The following TMEM132D variants were observed in gnomAD, a reference collection of about 807,000 sequenced individuals.
TMEM132D encodes mature OL transmembrane protein.
A neutral mutation model predicts 62.3 loss-of-function variants in TMEM132D; 21 were observed. That is an observed-to-expected ratio of 0.34 (90% CI 0.24 to 0.49). The LOEUF is 0.49. Ranked by LOEUF, TMEM132D falls within the 20% of genes least tolerant of loss-of-function variation. TMEM132D has a pLI of 0.99. For missense variants in TMEM132D, 1,346 were observed against 1,402.8 expected (o/e 0.96, Z 0.65); for synonymous variants, 621 against 575.6 (o/e 1.08, Z -1.13).
At chr12:129,368,954 G>C (rs1870511187) in intron 3 of TMEM132D, among the ~76,000 whole-genome samples, 1 of 152,184 alleles carries the variant, frequency 6.6e-6, no homozygotes. Flanking sequence ...CTGGAATACT[G>C]ATGTGATGCA....
chr12:129,503,778 T>G (rs575371490), intron 3 of TMEM132D, among the ~76,000 whole-genome samples: 2 of 152,304 alleles, frequency 1.3e-5, no homozygotes, highest in South Asian at 4.1e-4. Context: ...AGGGAACAAT[T>G]ATTCTTCTCT....
At chr12:129,533,761 GT>G (rs1290275198) in intron 2 of TMEM132D, among the ~76,000 whole-genome samples, 1 of 152,134 alleles carries the variant, frequency 6.6e-6, no homozygotes, top group African/African-American at 2.4e-5. Flanking sequence ...CTGCAAAAAT[GT>G]TTTTTCCTGG....
chr12:129,142,277 T>C (rs536832805), intron 5 of TMEM132D, among the ~76,000 whole-genome samples: 2 of 152,262 alleles, frequency 1.3e-5, no homozygotes, highest in South Asian at 2.1e-4. Flanking sequence ...TCTGCATGTA[T>C]GTCTTCTAAC....
chr12:129,855,162 TATAAC>T (rs1336807345), intron 1 of TMEM132D, among the ~76,000 whole-genome samples: 1 of 101,512 alleles, frequency 9.9e-6, no homozygotes, highest in African/African-American at 4.0e-5. Flanking sequence ...TGGGTGCCCT[TATAAC>T]AGAGTCCGGG....
chr12:129,818,192 G>T (rs2137322381), intron 1 of TMEM132D, among the ~76,000 whole-genome samples: 1 of 146,962 alleles, frequency 6.8e-6, no homozygotes, highest in South Asian at 2.2e-4. Flanking sequence ...GTGGTGTGGG[G>T]GCTGTGTGTG....
intron 2 of TMEM132D, among the ~76,000 whole-genome samples, chr12:129,635,332 C>T (rs376272685): frequency 7.9e-5 from 12 of 152,154 alleles, no homozygotes; most frequent in Non-Finnish European, 1.5e-4. Flanking sequence ...ATCTCTATAA[C>T]GGTAAGTCCT....
At chr12:129,214,437 C>T (rs1385939935) in intron 4 of TMEM132D, among the ~76,000 whole-genome samples, 1 of 152,168 alleles carries the variant, frequency 6.6e-6, no homozygotes, top group African/African-American at 2.4e-5. Context: ...AGCTTTTAAA[C>T]ATCTTAAGAG....
rs997518460 is a variant in TMEM132D, at chr12:129,577,650, G to A, written c.969-46445C>T. On this transcript the variant is annotated intron_variant, in intron 2 of 8. Transcript: ENST00000422113. ...TATTTGCATTCATGACATACCTAAC[G>A]TTCAGTTTTTGATATTTGCAGGCCA... Among the ~76,000 whole-genome samples, 20 of 149,614 alleles carry A rather than the reference G, an allele frequency of 1.3e-4. 1 individual carries two copies. The highest frequency in any genetic ancestry group is 3.8e-4 in the African/African-American group (15 of 39,182).
intron 1 of TMEM132D, among the ~76,000 whole-genome samples, chr12:129,731,623 C>T (rs886449492): frequency 2.6e-5 from 4 of 151,348 alleles, no homozygotes; most frequent in African/African-American, 4.9e-5. Context: ...TGCAGTGGGC[C>T]GATATAAGGA....
intron 3 of TMEM132D, among the ~76,000 whole-genome samples, chr12:129,458,484 G>A (rs1873551722): frequency 6.6e-6 from 1 of 151,028 alleles, no homozygotes; most frequent in Non-Finnish European, 1.5e-5. Context: ...AAGATTTGCT[G>A]CTTTTTCTAA....
chr12:129,294,269 T>C (rs985470055), intron 4 of TMEM132D, among the ~76,000 whole-genome samples: 1 of 152,226 alleles, frequency 6.6e-6, no homozygotes, highest in Non-Finnish European at 1.5e-5. Context: ...TCTTTATGTC[T>C]GTCCCCTAAT....
chr12:129,226,008 C>CAAT (rs1879471445), intron 4 of TMEM132D, among the ~76,000 whole-genome samples: 2 of 152,134 alleles, frequency 1.3e-5, no homozygotes, highest in Non-Finnish European at 2.9e-5. Flanking sequence ...AATAATGTGT[C>CAAT]AATGCTGAAA....
chr12:129,078,651 T>C lies in TMEM132D; in HGVS notation c.1998A>G (p.Thr666=). The part of the protein sequence containing the change: ...ITVLDEKVTI[T]DLGVQLVTGL... ...CTGTCACCAGCTGCACCCCGAGGTCTGTGATGGTCACCTTCTCGTCCAGCA... is the reference window on the plus strand; with the variant it reads ...CTGTCACCAGCTGCACCCCGAGGTCCGTGATGGTCACCTTCTCGTCCAGCA... The change falls in exon 8 of 9, where the codon ACA becomes ACG. Residue 666 remains threonine (T), a synonymous_variant. Transcript: ENST00000422113. 1 of 1,614,210 alleles carries C rather than the reference T, an allele frequency of 6.2e-7. No homozygotes were observed. The highest frequency in any genetic ancestry group is 8.5e-7 in the Non-Finnish European group (1 of 1,180,036).
At chr12:129,845,675 A>T (rs1459159468) in intron 1 of TMEM132D, among the ~76,000 whole-genome samples, 1 of 152,254 alleles carries the variant, frequency 6.6e-6, no homozygotes, top group African/African-American at 2.4e-5. Flanking sequence ...AACAGTATCT[A>T]GTAAAATTCA....
At chr12:129,285,064 C>T (rs573249924) in intron 4 of TMEM132D, among the ~76,000 whole-genome samples, 33 of 152,304 alleles carry the variant, frequency 2.2e-4, no homozygotes, top group African/African-American at 7.5e-4. Flanking sequence ...ATTTGACTTT[C>T]ACCTCAATAA....
chr12:129,842,553 C>G (rs1454170866), intron 1 of TMEM132D, among the ~76,000 whole-genome samples: 2 of 152,110 alleles, frequency 1.3e-5, no homozygotes, highest in Non-Finnish European at 2.9e-5. Flanking sequence ...ACTGCAGCCT[C>G]AGCCTCCTGG....
At chr12:129,129,603 A>G (rs1382670637) in intron 5 of TMEM132D, among the ~76,000 whole-genome samples, 1 of 152,196 alleles carries the variant, frequency 6.6e-6, no homozygotes, top group Non-Finnish European at 1.5e-5. Context: ...TAACATTCCT[A>G]CCAACAGTGT....
chr12:129,151,100 G>A (rs999997793), intron 5 of TMEM132D, among the ~76,000 whole-genome samples: 1 of 152,146 alleles, frequency 6.6e-6, no homozygotes, highest in Non-Finnish European at 1.5e-5. Flanking sequence ...GACTTCACGA[G>A]GCACATCCAC....
intron 2 of TMEM132D, among the ~76,000 whole-genome samples, chr12:129,593,483 T>C (rs1179236845): frequency 6.6e-6 from 1 of 152,190 alleles, no homozygotes; most frequent in African/African-American, 2.4e-5. Context: ...TCTCAGACAC[T>C]TGAAGGCTGG....
Sources: allele counts gnomAD v4.1 joint callset (sites outside exome capture counted in the v4.1 genomes callset), GRCh38; gene constraint gnomAD v4.1.1; transcripts MANE v1.5; gene names NCBI Gene and HGNC (gene_info 2026-07-23, HGNC 2026-07-21).